The following ZNF804B variants were observed in gnomAD, a reference collection of about 807,000 sequenced individuals.
ZNF804B encodes the protein zinc finger 804B.
A neutral mutation model predicts 101.4 loss-of-function variants in ZNF804B; 80 were observed. The observed-to-expected ratio is 0.79, with a 90% confidence interval of 0.66 to 0.95. The LOEUF is 0.95. Ranked by LOEUF, ZNF804B falls within the 40% of genes least tolerant of loss-of-function variation. The pLI is 0.00. For synonymous variants in ZNF804B, 622 were observed against 558.8 expected (o/e 1.11, Z -1.59); for missense variants, 1,673 against 1,561.9 (o/e 1.07, Z -1.20).
At chr7:88,809,093 T>C (rs1189599173) in intron 1 of ZNF804B, among the ~76,000 whole-genome samples, 1 of 152,176 alleles carries the variant, frequency 6.6e-6, no homozygotes, top group East Asian at 1.9e-4. Context: ...TATTTTTGTA[T>C]TAAGAGGAGG....
At chr7:88,980,275 C>T (rs1259627149) in intron 1 of ZNF804B, among the ~76,000 whole-genome samples, 1 of 151,974 alleles carries the variant, frequency 6.6e-6, no homozygotes, top group African/African-American at 2.4e-5. Flanking sequence ...TGAAAGGTCA[C>T]ATATCTCTGT....
chr7:89,282,679 G>A (rs1327076418), intron 2 of ZNF804B, among the ~76,000 whole-genome samples: 2 of 152,136 alleles, frequency 1.3e-5, no homozygotes, highest in Admixed American at 6.5e-5. Context: ...ATTCAAGGGG[G>A]TTGTAAATAA....
chr7:89,293,811 A>G (rs1289520263), intron 2 of ZNF804B, among the ~76,000 whole-genome samples: 1 of 152,062 alleles, frequency 6.6e-6, no homozygotes, highest in East Asian at 1.9e-4. Flanking sequence ...AAAAAAAAAG[A>G]ATGCAGAAAT....
At chr7:88,811,916 A>G (rs1653620892) in intron 1 of ZNF804B, among the ~76,000 whole-genome samples, 1 of 152,166 alleles carries the variant, frequency 6.6e-6, no homozygotes, top group South Asian at 2.1e-4. Flanking sequence ...CCACCATGGT[A>G]CACATTTATC....
intron 1 of ZNF804B, among the ~76,000 whole-genome samples, chr7:89,024,120 G>A (rs543308359): frequency 3.9e-5 from 6 of 152,276 alleles, no homozygotes; most frequent in African/African-American, 1.4e-4. Flanking sequence ...GAGCTCTCAT[G>A]TCTAATAATA....
chr7:88,958,755 G>T (rs932511229), intron 1 of ZNF804B, among the ~76,000 whole-genome samples: 4 of 151,404 alleles, frequency 2.6e-5, no homozygotes, highest in Non-Finnish European at 5.9e-5. Flanking sequence ...TTCTCATGAT[G>T]TAGGATGCTT....
At chr7:89,190,004 T>G (rs558760657) in intron 1 of ZNF804B, among the ~76,000 whole-genome samples, 1 of 152,238 alleles carries the variant, frequency 6.6e-6, no homozygotes, top group South Asian at 2.1e-4. Flanking sequence ...ATATTCATGT[T>G]TCATAGAAAG....
At chr7:88,986,000 G>A (rs948438169) in intron 1 of ZNF804B, among the ~76,000 whole-genome samples, 2 of 152,034 alleles carry the variant, frequency 1.3e-5, no homozygotes, top group African/African-American at 4.8e-5. Context: ...CACAAAACTG[G>A]AAACATAATT....
intron 1 of ZNF804B, among the ~76,000 whole-genome samples, chr7:89,203,904 A>G (rs887899218): frequency 3.3e-5 from 5 of 152,246 alleles, no homozygotes; most frequent in African/African-American, 1.2e-4. Context: ...TAAACACAGC[A>G]GAGATTAATA....
At chr7:89,103,194 C>CTT (rs376926229) in intron 1 of ZNF804B, among the ~76,000 whole-genome samples, 1 of 128,380 alleles carries the variant, frequency 7.8e-6, no homozygotes, top group East Asian at 2.3e-4. Context: ...GTTATTCAGG[C>CTT]TTTTTTTTTT....
chr7:88,916,831 GA>G (rs1240680467), intron 1 of ZNF804B, among the ~76,000 whole-genome samples: 7 of 151,986 alleles, frequency 4.6e-5, no homozygotes, highest in African/African-American at 1.7e-4. Context: ...GTTTTGAGAG[GA>G]ATATCATTTG....
In ZNF804B at chr7:89,123,037, G is replaced by A. The variant is rs1012605173; in HGVS notation, c.109-95118G>A. On this transcript the variant is annotated intron_variant, in intron 1 of 3. Coordinates refer to ENST00000333190, the MANE Select transcript of ZNF804B (RefSeq NM_181646.5). ...GACTGAGCCCTGACACCATGATCCC[G>A]TGGTGTCTATAAAACTTGTCACGGT... 5.9e-5 allele frequency among the ~76,000 whole-genome samples: 9 copies of A among 151,876 alleles called. No individual in the cohort carries two copies. The East Asian group carries it at 9.7e-4, about 16-fold the overall frequency.
intron 2 of ZNF804B, among the ~76,000 whole-genome samples, chr7:89,265,442 A>G (rs13225828): frequency 0.17 from 26,504 of 152,182 alleles, 3,012 homozygotes; most frequent in African/African-American, 0.32. Flanking sequence ...GGATACTAAT[A>G]GAACTCCATA....
intron 2 of ZNF804B, among the ~76,000 whole-genome samples, chr7:89,293,545 G>C (rs1371547466): frequency 6.6e-6 from 1 of 152,170 alleles, no homozygotes; most frequent in East Asian, 1.9e-4. Flanking sequence ...AGCACTTTGG[G>C]AGGTGTAGGC....
intron 1 of ZNF804B, among the ~76,000 whole-genome samples, chr7:88,917,209 G>A (rs1337723010): frequency 6.6e-6 from 1 of 151,942 alleles, no homozygotes; most frequent in Non-Finnish European, 1.5e-5. Context: ...AGGTTGCAGT[G>A]AGCCGAGATC....
intron 2 of ZNF804B, among the ~76,000 whole-genome samples, chr7:89,251,079 A>G (rs1789532128): frequency 1.3e-5 from 2 of 152,202 alleles, no homozygotes; most frequent in African/African-American, 4.8e-5. Flanking sequence ...ATAGTACTGG[A>G]AGTCCTTCCC....
intron 2 of ZNF804B, among the ~76,000 whole-genome samples, chr7:89,286,775 T>A (rs532438531): frequency 1.3e-5 from 2 of 152,284 alleles, no homozygotes; most frequent in South Asian, 2.1e-4. Flanking sequence ...GGCCCTTCTA[T>A]CATATGAGCA....
At chr7:89,044,149 G>C (rs1280957663) in intron 1 of ZNF804B, among the ~76,000 whole-genome samples, 1 of 152,146 alleles carries the variant, frequency 6.6e-6, no homozygotes, top group Non-Finnish European at 1.5e-5. Flanking sequence ...CCCCCATGCT[G>C]TTGTTTTCCT....
At chr7:89,320,834 A>T (rs1040835660) in intron 2 of ZNF804B, among the ~76,000 whole-genome samples, 1 of 152,152 alleles carries the variant, frequency 6.6e-6, no homozygotes, top group Non-Finnish European at 1.5e-5. Context: ...ATTTTAGAAA[A>T]AGCATGCAAC....
Sources: allele counts gnomAD v4.1 joint callset (sites outside exome capture counted in the v4.1 genomes callset), GRCh38; gene constraint gnomAD v4.1.1; transcripts MANE v1.5; gene names NCBI Gene and HGNC (gene_info 2026-07-23, HGNC 2026-07-21).